The following PALMD variants were observed in gnomAD, a reference collection of about 807,000 sequenced individuals.
PALMD encodes palmdelphin.
In PALMD, 42 loss-of-function variants were observed where a neutral mutation model predicts 56.2. The observed-to-expected ratio is 0.75, with a 90% CI of 0.58 to 0.97. PALMD has a LOEUF of 0.97. Among genes scored for constraint, PALMD ranks in the 50% least tolerant of loss-of-function variants. The pLI is 0.00. For synonymous variants in PALMD, 242 were observed against 222.9 expected (o/e 1.09, Z -0.76); for missense variants, 660 against 643.8 (o/e 1.03, Z -0.27).
chr1:99,662,968 T>C (rs1177482542), intron 2 of PALMD, among the ~76,000 whole-genome samples: 1 of 152,186 alleles, frequency 6.6e-6, no homozygotes, highest in African/African-American at 2.4e-5. Flanking sequence ...GGTGTGGCCA[T>C]TTTGTAATTA....
intron 1 of PALMD, among the ~76,000 whole-genome samples, chr1:99,650,823 A>G (rs1370933647): frequency 2.0e-5 from 3 of 152,326 alleles, no homozygotes; most frequent in Admixed American, 1.3e-4. Flanking sequence ...CTGGCCATAC[A>G]TATTTTTCCT....
chr1:99,682,559 G>C (rs1384987456), intron 3 of PALMD, among the ~76,000 whole-genome samples: 1 of 152,028 alleles, frequency 6.6e-6, no homozygotes, highest in African/African-American at 2.4e-5. Context: ...GAGATTCTTG[G>C]GATGAATCAT....
Position 99,680,393 on chromosome 1 carries a change from G to C in PALMD, c.252-6283G>C, listed in dbSNP as rs367700076. Reference sequence around the variant, plus strand: ...AAAAGCAAGATTCCAATAATGGATAGCATTACAAATCCTTTTTCATGTACT... The same window carrying C: ...AAAAGCAAGATTCCAATAATGGATACCATTACAAATCCTTTTTCATGTACT... On this transcript the variant is annotated intron_variant, in intron 3 of 7. Coordinates refer to ENST00000263174, the MANE Select transcript of PALMD (RefSeq NM_017734.5). Among the ~76,000 whole-genome samples the C allele has an allele frequency of 1.2e-4, 18 of 152,220 alleles. 1 individual carries two copies. Among genetic ancestry groups the C allele is most frequent in the African/African-American group, 4.3e-4 (18 of 41,554 alleles).
intron 3 of PALMD, among the ~76,000 whole-genome samples, chr1:99,675,857 A>G (rs1275911347): frequency 1.3e-5 from 2 of 152,164 alleles, no homozygotes; most frequent in Non-Finnish European, 2.9e-5. Context: ...CTAACGTTGC[A>G]TGCCTACACG....
At chr1:99,656,109 A>G (rs1277713827) in intron 1 of PALMD, among the ~76,000 whole-genome samples, 2 of 152,178 alleles carry the variant, frequency 1.3e-5, no homozygotes, top group Non-Finnish European at 2.9e-5. Context: ...TCTCAGTGAT[A>G]GCAAATGATT....
At chr1:99,675,228 AATATAGTCAGGG>A (rs977875775) in intron 3 of PALMD, among the ~76,000 whole-genome samples, 1 of 152,212 alleles carries the variant, frequency 6.6e-6, no homozygotes, top group African/African-American at 2.4e-5. Context: ...ACTGCTGTAT[AATATAGTCAGGG>A]ATAAATGTTA....
chr1:99,673,103 G>A (rs113535518), intron 3 of PALMD, among the ~76,000 whole-genome samples: 1,633 of 152,088 alleles, frequency 0.011, 31 homozygotes, highest in African/African-American at 0.038. Context: ...CTGAAACCCA[G>A]GAAAATGCAT....
chr1:99,665,224 C>T (rs1392171358), intron 2 of PALMD, among the ~76,000 whole-genome samples: 2 of 152,098 alleles, frequency 1.3e-5, no homozygotes, highest in East Asian at 1.9e-4. Context: ...AAACCTTTTC[C>T]TAAAAAAACT....
chr1:99,651,866 C>T (rs926013582), intron 1 of PALMD, among the ~76,000 whole-genome samples: 1 of 152,200 alleles, frequency 6.6e-6, no homozygotes, highest in African/African-American at 2.4e-5. Flanking sequence ...AAACTAGCTT[C>T]TGTCCTAAGC....
intron 1 of PALMD, 64 bp downstream of exon 1, chr1:99,646,426 G>A: frequency 1.6e-6 from 2 of 1,288,204 alleles, no homozygotes; most frequent in Non-Finnish European, 2.3e-6. Context: ...ACCGTGGCCG[G>A]CTGCCCCTGT....
At chr1:99,684,532 T>TTTG (rs532406996) in intron 3 of PALMD, 153 of 150,174 alleles carry the variant, frequency 1.0e-3, no homozygotes, top group African/African-American at 3.7e-3. Context: ...TGTTTGTTTG[T>TTTG]TTGTTTGTTA....
At chr1:99,660,365 G>C (rs1652820754) in intron 1 of PALMD, among the ~76,000 whole-genome samples, 1 of 152,222 alleles carries the variant, frequency 6.6e-6, no homozygotes, top group South Asian at 2.1e-4. Flanking sequence ...ACTTGGATGA[G>C]TTAATTTCCC....
intron 3 of PALMD, among the ~76,000 whole-genome samples, chr1:99,674,177 C>A (rs1653153084): frequency 1.3e-5 from 2 of 152,082 alleles, no homozygotes; most frequent in African/African-American, 4.8e-5. Context: ...CTTATCCCGA[C>A]CTTTCAGCAT....
At chr1:99,660,330 C>A (rs1388867795) in intron 1 of PALMD, among the ~76,000 whole-genome samples, 1 of 152,216 alleles carries the variant, frequency 6.6e-6, no homozygotes, top group Non-Finnish European at 1.5e-5. Flanking sequence ...GGTTCAAATC[C>A]TGGCTCCGAC....
At chr1:99,669,356 T>A (rs1653035956) in intron 3 of PALMD, 1 of 152,190 alleles carries the variant, frequency 6.6e-6, no homozygotes, top group Non-Finnish European at 1.5e-5. Context: ...ATAAATACTT[T>A]AAAAATAACC....
chr1:99,683,788 GC>G (rs1281524026), intron 3 of PALMD: 5 of 152,372 alleles, frequency 3.3e-5, no homozygotes, highest in Admixed American at 2.0e-4. Context: ...ACAAGGCCCT[GC>G]CTATCTGGTC....
chr1:99,675,967 A>G (rs926566438), intron 3 of PALMD, among the ~76,000 whole-genome samples: 6 of 152,176 alleles, frequency 3.9e-5, no homozygotes, highest in African/African-American at 1.4e-4. Flanking sequence ...AAAGCTATTC[A>G]CATATAATCA....
chr1:99,660,477 T>A (rs1652824404), intron 1 of PALMD, among the ~76,000 whole-genome samples: 1 of 152,192 alleles, frequency 6.6e-6, no homozygotes, highest in South Asian at 2.1e-4. Context: ...GCCAAAATGT[T>A]TGGCACAATG....
At chr1:99,680,822 A>G (rs373768948) in intron 3 of PALMD, among the ~76,000 whole-genome samples, 1 of 151,912 alleles carries the variant, frequency 6.6e-6, no homozygotes, top group East Asian at 1.9e-4. Context: ...ACATGCATAC[A>G]TGTATGTGTA....
Sources: allele counts gnomAD v4.1 joint callset (sites outside exome capture counted in the v4.1 genomes callset), GRCh38; gene constraint gnomAD v4.1.1; transcripts MANE v1.5; gene names NCBI Gene and HGNC (gene_info 2026-07-23, HGNC 2026-07-21).